The following ITGA4 variants were observed in gnomAD, a reference collection of about 807,000 sequenced individuals.
The protein encoded by ITGA4 is integrin subunit alpha 4.
ITGA4 carries 63 observed loss-of-function variants against 133.6 expected under a neutral mutation model. The observed-to-expected ratio is 0.47, with a 90% CI of 0.38 to 0.58. The LOEUF is 0.58. ITGA4 is among the 20% of genes least tolerant of loss of function. ITGA4 has a pLI of 0.00. For missense variants in ITGA4, 1,076 were observed against 1,252.7 expected (o/e 0.86, Z 2.13); for synonymous variants, 483 against 438.0 (o/e 1.10, Z -1.28).
At chr2:181,511,371 A>T (rs1686503368) in intron 16 of ITGA4, among the ~76,000 whole-genome samples, 2 of 152,134 alleles carry the variant, frequency 1.3e-5, no homozygotes, top group South Asian at 4.1e-4. Context: ...GAAAATTGAG[A>T]GGAACCCAAT....
intron 18 of ITGA4, among the ~76,000 whole-genome samples, chr2:181,522,557 T>TAGG (rs1686743578): frequency 6.6e-6 from 1 of 152,078 alleles, no homozygotes; most frequent in Non-Finnish European, 1.5e-5. Context: ...GTACTAGGAG[T>TAGG]AGGAGGAAGC....
At chr2:181,480,520 T>G (rs1685778786) in intron 6 of ITGA4, among the ~76,000 whole-genome samples, 1 of 152,162 alleles carries the variant, frequency 6.6e-6, no homozygotes, top group African/African-American at 2.4e-5. Flanking sequence ...GTTTACTCTT[T>G]GTAGTTCACT....
At chr2:181,493,105 T>G in intron 10 of ITGA4, 1 of 423,604 alleles carries the variant, frequency 2.4e-6, no homozygotes, top group Non-Finnish European at 4.2e-6. Flanking sequence ...ACACTGCCTC[T>G]CAGATGCTTC....
chr2:181,463,221 G>A (rs574683924), intron 2 of ITGA4, among the ~76,000 whole-genome samples: 11 of 152,272 alleles, frequency 7.2e-5, no homozygotes, highest in African/African-American at 2.4e-4. Context: ...GTTGCACTAT[G>A]GAGTGTGAGC....
At position 181,537,170 on chromosome 2, in the gene ITGA4, G is replaced by GAACATCTAGGATCATAGATGAAA; in HGVS notation, c.*1646_*1668dup. On this transcript the variant is annotated 3_prime_UTR_variant, in exon 28 of 28. Coordinates refer to ENST00000397033, the MANE Select transcript of ITGA4 (RefSeq NM_000885.6). ...AAAAAGGCTAGTCATTCTTTCAGGA[G>GAACATCTAGGATCATAGATGAAA]AACATCTAGGATCATAGATGAAAAA... 2.2e-6 allele frequency: 1 copy of GAACATCTAGGATCATAGATGAAA among 453,858 alleles called. No individual in the cohort carries two copies. The highest frequency in any genetic ancestry group is 4.4e-6 in the Non-Finnish European group (1 of 226,656). 28.1% of individuals were successfully genotyped at this position (453,858 alleles called of 1,614,324 possible).
At chr2:181,517,130 G>GA (rs1188961155) in intron 17 of ITGA4, among the ~76,000 whole-genome samples, 1 of 151,772 alleles carries the variant, frequency 6.6e-6, no homozygotes, top group Non-Finnish European at 1.5e-5. Flanking sequence ...AGTAGTAAAG[G>GA]AAAAAAAGAT....
chr2:181,493,669 C>G (rs1465200021), intron 11 of ITGA4, among the ~76,000 whole-genome samples: 1 of 152,170 alleles, frequency 6.6e-6, no homozygotes, highest in Non-Finnish European at 1.5e-5. Flanking sequence ...AAAGATTTCT[C>G]TTTGTATTTC....
intron 16 of ITGA4, among the ~76,000 whole-genome samples, chr2:181,510,755 C>T (rs1298927340): frequency 6.6e-6 from 1 of 152,014 alleles, no homozygotes; most frequent in East Asian, 1.9e-4. Flanking sequence ...TGTTTTTACT[C>T]TTCTTTTGAA....
rs765134990 is a variant in ITGA4 at position 181,474,836 on chromosome 2, T to C, written c.320-124T>C. On this transcript the variant is annotated intron_variant, in intron 2 of 27. Transcript: ENST00000397033. ...AGAGTAATTCACATTTATCCTCACA[T>C]TGTGCACTGAATATAAGATAGAGAA... The C allele has an allele frequency of 2.4e-5, 16 of 663,004 alleles. 1 individual carries two copies. The South Asian group carries it at 2.6e-4, about 11-fold the overall frequency. The allele number at this position is 663,004 out of a possible 1,614,324, so 41.1% of individuals were successfully genotyped here.
Position 181,535,446 on chromosome 2 carries a change from A to G in ITGA4, c.3018A>G (p.Lys1006=). Residue 1006 remains lysine, a synonymous_variant, in exon 28 of 28, where the codon AAA becomes AAG. Transcript: ENST00000397033. ...SYVMWKAGFF[K]RQYKSILQEE... ...GCTATTTTCAGGCTGGCTTCTTTAA[A>G]AGACAATACAAATCTATCCTACAAG... The G allele has an allele frequency of 6.2e-7, 1 of 1,607,162 alleles. No individual in the cohort carries two copies. The highest frequency in any genetic ancestry group is 8.5e-7 in the Non-Finnish European group (1 of 1,176,906).
intron 15 of ITGA4, among the ~76,000 whole-genome samples, chr2:181,508,776 A>G (rs530336763): frequency 2.0e-5 from 3 of 152,246 alleles, no homozygotes; most frequent in South Asian, 2.1e-4. Context: ...GTATACAATT[A>G]GATGTACAAA....
rs1237122082 is a variant in ITGA4, at chr2:181,536,980, A to C, written c.*1453A>C. The C allele has an allele frequency of 6.6e-6, 3 of 452,342 alleles. No homozygotes were observed. The highest frequency in any genetic ancestry group is 3.1e-5 in the South Asian group (2 of 63,980). 28.0% of individuals were successfully genotyped at this position (452,342 alleles called of 1,614,324 possible). The stretch of plus-strand genomic sequence containing the variant: ...CTAGCCAGCCATCCTAATTGATGAA[A>C]GTTATCTGTTCACAGGCCTGCAGTG... On this transcript the variant is annotated 3_prime_UTR_variant, in exon 28 of 28. Coordinates refer to ENST00000397033, the MANE Select transcript of ITGA4 (RefSeq NM_000885.6).
intron 2 of ITGA4, among the ~76,000 whole-genome samples, chr2:181,460,285 C>T (rs1176367024): frequency 3.3e-5 from 5 of 152,082 alleles, no homozygotes; most frequent in Admixed American, 1.3e-4. Context: ...TGAGTATTTG[C>T]CGAAGAGTTG....
At chr2:181,534,453 A>G (rs1687012212) in intron 26 of ITGA4, 83 bp downstream of exon 26, 3 of 866,002 alleles carry the variant, frequency 3.5e-6, no homozygotes, top group Non-Finnish European at 5.6e-6. Context: ...CTTCTGAGTA[A>G]CTGAGTTGGG....
chr2:181,538,216 C>CATA lies in ITGA4; in HGVS notation c.*2691_*2693dup. The stretch of plus-strand genomic sequence containing the variant: ...GGAATCATTTCTTCCATGCTTCCTC[C>CATA]ATAAAGACTGATAAGTCTTGGATGC... On this transcript the variant is annotated 3_prime_UTR_variant, in exon 28 of 28. Coordinates refer to ENST00000397033, the MANE Select transcript of ITGA4 (RefSeq NM_000885.6). 1 of 1,590,534 alleles carries CATA rather than the reference C, an allele frequency of 6.3e-7. No individual in the cohort carries two copies. Among genetic ancestry groups the CATA allele is most frequent in the South Asian group, 1.1e-5 (1 of 90,552 alleles).
chr2:181,515,819 G>A (rs545566448), intron 17 of ITGA4, among the ~76,000 whole-genome samples: 4 of 152,168 alleles, frequency 2.6e-5, no homozygotes, highest in East Asian at 1.9e-4. Context: ...AACAGTAGGC[G>A]AATTGTGACC....
At chr2:181,522,885 G>A (rs1300532419) in intron 18 of ITGA4, among the ~76,000 whole-genome samples, 5 of 151,998 alleles carry the variant, frequency 3.3e-5, no homozygotes, top group East Asian at 1.9e-4. Context: ...AGATATTCAC[G>A]GACAGTATTT....
At chr2:181,482,148 A>G (rs1685818627) in intron 7 of ITGA4, among the ~76,000 whole-genome samples, 1 of 152,194 alleles carries the variant, frequency 6.6e-6, no homozygotes. Flanking sequence ...AGGATCAATA[A>G]GATAATTCCT....
chr2:181,478,854 T>C, intron 5 of ITGA4, 30 bp downstream of exon 5: 1 of 1,134,190 alleles, frequency 8.8e-7, no homozygotes, highest in Non-Finnish European at 1.2e-6. Context: ...CTGCTATAAA[T>C]GTTTACATAT....
Sources: gnomAD v4.1 joint callset for allele counts (sites outside exome capture counted in the v4.1 genomes callset) on GRCh38, gnomAD v4.1.1 for gene constraint, MANE v1.5 for transcripts, NCBI Gene and HGNC (gene_info 2026-07-23, HGNC 2026-07-21) for gene names.